SLC35G2: variants seen among roughly 807,000 people sequenced by gnomAD.
The protein encoded by SLC35G2 is solute carrier family 35 member G2.
SLC35G2 carries 20 observed loss-of-function variants against 27.2 expected under a neutral mutation model. The observed-to-expected ratio is 0.74, with a 90% confidence interval of 0.52 to 1.07. SLC35G2 has a LOEUF of 1.07. SLC35G2 is among the 50% of genes least tolerant of loss of function. The probability of loss-of-function intolerance (pLI) is 0.00; values close to 1 mark genes in which losing one functional copy is unlikely to be tolerated. For synonymous variants in SLC35G2, 148 were observed against 165.3 expected (o/e 0.90, Z 0.80); for missense variants, 416 against 493.3 (o/e 0.84, Z 1.48).
At chr3:136,821,711 C>T (rs764761192) in intron 1 of SLC35G2, among the ~76,000 whole-genome samples, 22 of 152,174 alleles carry the variant, frequency 1.4e-4, no homozygotes, top group Non-Finnish European at 2.5e-4. Context: ...GGATTACAGG[C>T]GTATGCCACT....
At chr3:136,846,897 T>C (rs9843352) in intron 1 of SLC35G2, among the ~76,000 whole-genome samples, 103,462 of 152,146 alleles carry the variant, frequency 0.68, 35,468 homozygotes, top group East Asian at 0.87. Flanking sequence ...CGGCTGGGCA[T>C]GGTGGCTCAC....
intron 1 of SLC35G2, among the ~76,000 whole-genome samples, chr3:136,851,597 A>C: frequency 6.7e-6 from 1 of 148,732 alleles, no homozygotes; most frequent in East Asian, 2.1e-4. Flanking sequence ...ATGGAGAATG[A>C]GGACAGGGAA....
intron 1 of SLC35G2, among the ~76,000 whole-genome samples, chr3:136,852,685 A>G (rs9817132): frequency 0.68 from 103,143 of 151,522 alleles, 35,370 homozygotes; most frequent in East Asian, 0.87. Flanking sequence ...TAGAGACAGG[A>G]TTTTACCATG....
chr3:136,833,004 G>A (rs1181450925), intron 1 of SLC35G2, among the ~76,000 whole-genome samples: 1 of 151,434 alleles, frequency 6.6e-6, no homozygotes, highest in Non-Finnish European at 1.5e-5. Context: ...GGGAGGCGGA[G>A]CTTGCAGTGA....
intron 1 of SLC35G2, among the ~76,000 whole-genome samples, chr3:136,828,801 T>C (rs897770426): frequency 6.6e-6 from 1 of 152,216 alleles, no homozygotes; most frequent in African/African-American, 2.4e-5. Context: ...TTTTGTGGTC[T>C]TCTCTTCCTT....
intron 1 of SLC35G2, chr3:136,838,853 A>G (rs933176978): frequency 1.3e-5 from 2 of 152,184 alleles, no homozygotes; most frequent in Non-Finnish European, 2.9e-5. Context: ...ATGATCTCTC[A>G]AGAGTTAGGT....
intron 1 of SLC35G2, chr3:136,820,525 A>G (rs1205079953): frequency 6.6e-6 from 1 of 152,252 alleles, no homozygotes; most frequent in East Asian, 1.9e-4. Flanking sequence ...ACAGATAAGC[A>G]TATGCATAAC....
intron 1 of SLC35G2, among the ~76,000 whole-genome samples, chr3:136,849,737 C>T (rs1386585778): frequency 1.3e-5 from 2 of 151,496 alleles, no homozygotes; most frequent in African/African-American, 4.8e-5. Context: ...AAGTGATCCG[C>T]CTGCCTCAGC....
chr3:136,826,083 CTGGAGTACAG>C (rs1167540109), intron 1 of SLC35G2, among the ~76,000 whole-genome samples: 3 of 151,406 alleles, frequency 2.0e-5, no homozygotes, highest in African/African-American at 7.3e-5. Context: ...GTCGCCCAGC[CTGGAGTACAG>C]TGGCGCGATC....
Position 136,855,403 on chromosome 3 carries a change from G to A in SLC35G2, c.943G>A (p.Gly315Arg). The A allele has an allele frequency of 1.2e-6, 2 of 1,614,126 alleles. No homozygotes were observed. Among genetic ancestry groups the A allele is most frequent in the Non-Finnish European group, 1.7e-6 (2 of 1,179,990 alleles). Residue 315 changes from glycine to arginine, a missense_variant, in exon 2 of 2, where the codon GGA (glycine) becomes AGA (arginine). Coordinates refer to ENST00000446465, the MANE Select transcript of SLC35G2 (RefSeq NM_025246.3). ...ILQEPIIPLD[G>R]ETWSYLIAIC... is the part of the protein sequence containing the mutation. ...TCAAGAACCCATCATCCCATTAGAT[G>A]GAGAAACCTGGAGTTATCTCATTGC...
At chr3:136,848,547 A>G (rs765451629) in intron 1 of SLC35G2, among the ~76,000 whole-genome samples, 2 of 152,210 alleles carry the variant, frequency 1.3e-5, no homozygotes, top group Non-Finnish European at 2.9e-5. Flanking sequence ...TGAGCCAGCC[A>G]TATTCACTGG....
chr3:136,828,717 G>A (rs1020693336), intron 1 of SLC35G2, among the ~76,000 whole-genome samples: 2 of 152,184 alleles, frequency 1.3e-5, no homozygotes, highest in Admixed American at 1.3e-4. Context: ...TTGGATTGGA[G>A]AATTTAGTCT....
chr3:136,851,849 A>T (rs924343661), intron 1 of SLC35G2, among the ~76,000 whole-genome samples: 2 of 152,214 alleles, frequency 1.3e-5, no homozygotes, highest in African/African-American at 4.8e-5. Context: ...AGGGACTGGG[A>T]TTCAAGGGAG....
rs746669864 is a variant in SLC35G2 at position 136,854,692 on chromosome 3, CCAA to C, written c.235_237del (p.Thr79del). 8 of 1,613,996 alleles carry C rather than the reference CCAA, an allele frequency of 5.0e-6. No homozygotes were observed. In the South Asian group the frequency reaches 8.8e-5, roughly 18 times the overall value. ...TGGAACCATGGATACCCTACCTCCA[CCAA>C]CAGAAGACCCAATGATCAATGAGAT... is the stretch of plus-strand genomic sequence containing the variant. On this transcript the variant is annotated inframe_deletion, in exon 2 of 2. Coordinates refer to ENST00000446465, the MANE Select transcript of SLC35G2 (RefSeq NM_025246.3).
Position 136,819,518 on chromosome 3 carries a change from C to T in SLC35G2, c.-129C>T, listed in dbSNP as rs375227361. On this transcript the variant is annotated 5_prime_UTR_variant, in exon 1 of 2. Coordinates refer to ENST00000446465, the MANE Select transcript of SLC35G2 (RefSeq NM_025246.3). Reference sequence around the variant, plus strand: ...CGGGAGGGCCAGCATCGGCTACGGCCCGGTTTCCCGTTTCTTTCCGCTGTC... The same window carrying T: ...CGGGAGGGCCAGCATCGGCTACGGCTCGGTTTCCCGTTTCTTTCCGCTGTC... The T allele has an allele frequency of 7.1e-6, 1 of 140,134 alleles. No individual in the cohort carries two copies. The highest frequency in any genetic ancestry group is 2.6e-5 in the African/African-American group (1 of 38,028). The allele number at this position is 140,134 out of a possible 1,614,324, so 8.7% of individuals were successfully genotyped here.
At chr3:136,830,062 C>T (rs1936685094) in intron 1 of SLC35G2, among the ~76,000 whole-genome samples, 5 of 150,086 alleles carry the variant, frequency 3.3e-5, no homozygotes. Flanking sequence ...TGAGATTTGC[C>T]CTTTTGAGGC....
At chr3:136,847,426 GGCCTATTAGAGTTA>G (rs1487284828) in intron 1 of SLC35G2, among the ~76,000 whole-genome samples, 6 of 152,078 alleles carry the variant, frequency 3.9e-5, no homozygotes, top group African/African-American at 1.4e-4. Flanking sequence ...GAATTTTGGT[GGCCTATTAGAGTTA>G]GCAGAAGACA....
At position 136,854,516 on chromosome 3, in the gene SLC35G2, C is replaced by G. The variant is rs185342483; in HGVS notation, c.56C>G (p.Pro19Arg). The G allele has an allele frequency of 1.2e-4, 199 of 1,604,486 alleles. No individual in the cohort carries two copies. In the East Asian group the frequency reaches 2.2e-3, roughly 18 times the overall value. Residue 19 changes from proline to arginine, a missense_variant, in exon 2 of 2, where the codon CCC becomes CGC. Coordinates refer to ENST00000446465, the MANE Select transcript of SLC35G2 (RefSeq NM_025246.3). ...YPVKKRVKIH[P>R]NTVMVKYTSH... Reference sequence around the variant, plus strand: ...GTTAAAAAACGGGTGAAAATACATCCCAACACAGTGATGGTGAAATATACT... The same window carrying G: ...GTTAAAAAACGGGTGAAAATACATCGCAACACAGTGATGGTGAAATATACT...
chr3:136,830,104 CTTTTTTTTT>C (rs71134418), intron 1 of SLC35G2, among the ~76,000 whole-genome samples: 4 of 88,796 alleles, frequency 4.5e-5, no homozygotes, highest in East Asian at 3.7e-4. Flanking sequence ...TACATTATTT[CTTTTTTTTT>C]TTTTTTTTTT....
Sources: gnomAD v4.1 joint callset for allele counts (sites outside exome capture counted in the v4.1 genomes callset) on GRCh38, gnomAD v4.1.1 for gene constraint, MANE v1.5 for transcripts, NCBI Gene and HGNC (gene_info 2026-07-23, HGNC 2026-07-21) for gene names.